The following PDE10A variants were observed in gnomAD, a reference collection of about 807,000 sequenced individuals.
The protein encoded by PDE10A is cAMP and cAMP-inhibited cGMP 3',5'-cyclic phosphodiesterase 10A.
In PDE10A, 39 loss-of-function variants were observed where a neutral mutation model predicts 97.7. The observed-to-expected ratio is 0.40, with a 90% CI of 0.31 to 0.52. The LOEUF is 0.52. Ranked by LOEUF, PDE10A falls within the 20% of genes least tolerant of loss-of-function variation. The pLI, the probability that PDE10A is intolerant of heterozygous loss-of-function variation, is 0.56. For missense variants in PDE10A, 731 were observed against 1,047.8 expected (o/e 0.70, Z 4.17); for synonymous variants, 371 against 376.8 (o/e 0.98, Z 0.18).
intron 1 of PDE10A, among the ~76,000 whole-genome samples, chr6:165,784,231 A>T (rs149682506): frequency 6.7e-6 from 1 of 150,164 alleles, no homozygotes. Context: ...TCAAAAAAAA[A>T]AAAAGAAAAA....
chr6:165,667,801 G>T (rs1298778632), upstream of PDE10A, among the ~76,000 whole-genome samples: 1 of 152,122 alleles, frequency 6.6e-6, no homozygotes, highest in East Asian at 1.9e-4. Context: ...AGATACTGGT[G>T]TTAAAAAGTA....
rs567198270 is a variant in PDE10A at position 165,470,622 on chromosome 6, G to GTATT, written c.1023+11689_1023+11692dup. Among the ~76,000 whole-genome samples the GTATT allele has an allele frequency of 1.2e-3, 179 of 152,238 alleles. 1 individual carries two copies. The highest frequency in any genetic ancestry group is 4.2e-3 in the African/African-American group (173 of 41,530). On this transcript the variant is annotated intron_variant, in intron 3 of 21. Transcript: ENST00000539869. ...TTTTCTTTCTAGTTCTTCCTCTGTTGTATTTGGTTACGCTTGTTTTTCTGG... is the reference window on the plus strand; with the variant it reads ...TTTTCTTTCTAGTTCTTCCTCTGTTGTATTTATTTGGTTACGCTTGTTTTTCTGG...
chr6:165,350,575 G>A (rs944847183), intron 18 of PDE10A, among the ~76,000 whole-genome samples: 3 of 152,136 alleles, frequency 2.0e-5, no homozygotes, highest in Admixed American at 1.3e-4. Flanking sequence ...AGAGGATTGT[G>A]TTTTGAATTG....
chr6:165,917,587 A>C (rs1782642133), intron 1 of PDE10A, among the ~76,000 whole-genome samples: 1 of 152,240 alleles, frequency 6.6e-6, no homozygotes, highest in Admixed American at 6.5e-5. Flanking sequence ...AGGGCAGATC[A>C]GCATGCTATC....
At chr6:165,767,046 A>G (rs1777871728) in intron 1 of PDE10A, among the ~76,000 whole-genome samples, 1 of 152,256 alleles carries the variant, frequency 6.6e-6, no homozygotes. Context: ...AGCTAAAATG[A>G]ACAGAGATGC....
intron 1 of PDE10A, among the ~76,000 whole-genome samples, chr6:165,947,861 A>G (rs1376932838): frequency 6.6e-6 from 1 of 152,124 alleles, no homozygotes; most frequent in African/African-American, 2.4e-5. Flanking sequence ...CCCGACCTGG[A>G]ATTATCCATC....
At chr6:165,370,359 G>A (rs1562391402) in intron 18 of PDE10A, among the ~76,000 whole-genome samples, 1 of 147,404 alleles carries the variant, frequency 6.8e-6, no homozygotes, top group Non-Finnish European at 1.5e-5. Flanking sequence ...ACACACATAG[G>A]CTCAAAATAA....
chr6:165,975,446 AT>A (rs549114549), intron 1 of PDE10A, among the ~76,000 whole-genome samples: 80 of 151,968 alleles, frequency 5.3e-4, no homozygotes, highest in Non-Finnish European at 7.2e-4. Context: ...CTCTATTAAA[AT>A]TTTTTTTTAA....
At chr6:165,472,449 T>C (rs1411886969) in intron 3 of PDE10A, among the ~76,000 whole-genome samples, 1 of 152,152 alleles carries the variant, frequency 6.6e-6, no homozygotes, top group African/African-American at 2.4e-5. Flanking sequence ...ATCAAGTCTA[T>C]ATTTTAAATT....
chr6:165,948,110 T>C (rs748066769), intron 1 of PDE10A: 1 of 151,946 alleles, frequency 6.6e-6, no homozygotes, highest in Non-Finnish European at 1.5e-5. Flanking sequence ...TATATACATA[T>C]ATATATAGAG....
chr6:165,486,265 G>T (rs1428109260), intron 2 of PDE10A, among the ~76,000 whole-genome samples: 1 of 152,204 alleles, frequency 6.6e-6, no homozygotes, highest in Non-Finnish European at 1.5e-5. Flanking sequence ...CACCACAGCT[G>T]CAGAACTATT....
chr6:165,857,151 G>C (rs968931175), intron 1 of PDE10A, among the ~76,000 whole-genome samples: 3 of 152,184 alleles, frequency 2.0e-5, no homozygotes, highest in African/African-American at 7.2e-5. Context: ...TTACCACCAA[G>C]AGAATGCTTA....
chr6:165,799,150 T>C (rs919264530), intron 1 of PDE10A, among the ~76,000 whole-genome samples: 1 of 152,212 alleles, frequency 6.6e-6, no homozygotes, highest in African/African-American at 2.4e-5. Flanking sequence ...ACTCCAAAGC[T>C]GGGATTCCCA....
intron 18 of PDE10A, among the ~76,000 whole-genome samples, chr6:165,359,915 CA>C (rs1783282098): frequency 6.6e-6 from 1 of 152,178 alleles, no homozygotes; most frequent in Non-Finnish European, 1.5e-5. Flanking sequence ...TTTAGAGTGC[CA>C]ACCCCTATTT....
At chr6:165,767,054 T>C (rs1453372962) in intron 1 of PDE10A, among the ~76,000 whole-genome samples, 1 of 152,240 alleles carries the variant, frequency 6.6e-6, no homozygotes, top group African/African-American at 2.4e-5. Flanking sequence ...TGAACAGAGA[T>C]GCTTTCTTGT....
At position 165,418,697 on chromosome 6, in the gene PDE10A, G is replaced by T. The variant is rs1360974603; in HGVS notation, c.1734C>A (p.Asp578Glu). Reference protein sequence around the residue: ...VDHKNKELYSDLFDIGEEKEG... With the variant: ...VDHKNKELYSELFDIGEEKEG... ...CCTTTTCCTCTCCAATATCAAAAAG[G>T]TCTGAATATAACTCCTTGTTCTTAT... is the stretch of plus-strand genomic sequence containing the variant. Residue 578 changes from aspartate to glutamate, a missense_variant, in exon 11 of 22, where the codon GAC (aspartate) becomes GAA (glutamate). Transcript: ENST00000539869. The surrounding 1 kb of genome is among the most constrained non-coding windows in gnomAD (Gnocchi z 4.8). 1 of 1,613,422 alleles carries T rather than the reference G, an allele frequency of 6.2e-7. No homozygotes were observed. The highest frequency in any genetic ancestry group is 1.7e-5 in the Admixed American group (1 of 60,006).
intron 1 of PDE10A, among the ~76,000 whole-genome samples, chr6:165,959,612 C>T (rs1442884317): frequency 6.6e-6 from 1 of 152,164 alleles, no homozygotes. Flanking sequence ...AATGTTCCAT[C>T]CACACCCTCT....
intron 1 of PDE10A, among the ~76,000 whole-genome samples, chr6:165,888,699 G>A (rs1454438266): frequency 1.3e-5 from 2 of 152,152 alleles, no homozygotes; most frequent in African/African-American, 4.8e-5. Flanking sequence ...GTCCGGCTCA[G>A]AGCAATCACT....
intron 1 of PDE10A, among the ~76,000 whole-genome samples, chr6:165,658,180 A>G (rs534439680): frequency 3.7e-4 from 57 of 152,304 alleles, no homozygotes; most frequent in African/African-American, 1.3e-3. Context: ...TTGCTCTTAA[A>G]AGAGATCATA....
Sources: gnomAD v4.1 joint callset for allele counts (sites outside exome capture counted in the v4.1 genomes callset) on GRCh38, gnomAD v4.1.1 for gene constraint, Gnocchi (gnomAD v3.1) non-coding constraint, MANE v1.5 for transcripts, NCBI Gene and HGNC (gene_info 2026-07-23, HGNC 2026-07-21) for gene names.